The following EPB41L5 variants were observed in gnomAD, a reference collection of about 807,000 sequenced individuals.
EPB41L5 encodes the protein band 4.1-like protein 5.
A neutral mutation model predicts 106.6 loss-of-function variants in EPB41L5; 55 were observed. That is an observed-to-expected ratio of 0.52 (90% CI 0.42 to 0.65). EPB41L5 has a LOEUF of 0.65. Among genes scored for constraint, EPB41L5 ranks in the 30% least tolerant of loss-of-function variants. The pLI, the probability that EPB41L5 is intolerant of heterozygous loss-of-function variation, is 0.00. For synonymous variants in EPB41L5, 297 were observed against 306.7 expected, an observed-to-expected ratio of 0.97 and a Z score of 0.33; for missense variants, 871 against 882.1, an observed-to-expected ratio of 0.99 and a Z score of 0.16.
At chr2:120,161,222 C>T (rs929855078) in intron 21 of EPB41L5, among the ~76,000 whole-genome samples, 5 of 152,034 alleles carry the variant, frequency 3.3e-5, no homozygotes, top group African/African-American at 1.2e-4. Context: ...ACCAATAATA[C>T]AAAAAATAAG....
chr2:120,034,437 A>G (rs999162131), intron 2 of EPB41L5, among the ~76,000 whole-genome samples: 5 of 152,240 alleles, frequency 3.3e-5, no homozygotes, highest in Admixed American at 6.5e-5. Context: ...ATGGAAACAT[A>G]TAAGTTTGGT....
intron 21 of EPB41L5, 97 bp downstream of exon 21, chr2:120,161,071 C>A: frequency 1.2e-6 from 1 of 855,026 alleles, no homozygotes; most frequent in Non-Finnish European, 2.0e-6. Flanking sequence ...CTGAGTGACA[C>A]TGGGACTTAA....
At chr2:120,029,621 C>T (rs1678570871) in intron 2 of EPB41L5, among the ~76,000 whole-genome samples, 1 of 152,064 alleles carries the variant, frequency 6.6e-6, no homozygotes. Flanking sequence ...TTTTATTTTT[C>T]TTCTCTTTAG....
At chr2:120,113,522 T>A (rs748632056) in intron 16 of EPB41L5, among the ~76,000 whole-genome samples, 20 of 152,232 alleles carry the variant, frequency 1.3e-4, no homozygotes, top group Non-Finnish European at 2.4e-4. Context: ...ATTAATAATA[T>A]TATGTGTAAC....
chr2:120,056,221 G>A (rs936825166), intron 3 of EPB41L5, among the ~76,000 whole-genome samples: 2 of 151,000 alleles, frequency 1.3e-5, no homozygotes, highest in African/African-American at 4.9e-5. Flanking sequence ...CTGTTTATAT[G>A]GTATGTTATG....
intron 3 of EPB41L5, among the ~76,000 whole-genome samples, chr2:120,045,986 A>G (rs1289954726): frequency 2.0e-5 from 3 of 152,036 alleles, no homozygotes; most frequent in Non-Finnish European, 4.4e-5. Context: ...AAGGACATGA[A>G]CTCATCCTTT....
chr2:120,157,795 A>C (rs1196540812), intron 20 of EPB41L5, among the ~76,000 whole-genome samples: 1 of 151,868 alleles, frequency 6.6e-6, no homozygotes, highest in Non-Finnish European at 1.5e-5. Flanking sequence ...AAATCCAAAA[A>C]AACCACAAAA....
intron 18 of EPB41L5, among the ~76,000 whole-genome samples, chr2:120,132,031 A>G (rs973772320): frequency 6.6e-6 from 1 of 152,180 alleles, no homozygotes; most frequent in South Asian, 2.1e-4. Flanking sequence ...TTGAAATTAC[A>G]GAAGGATTTG....
chr2:120,148,874 T>G (rs1407230642), intron 20 of EPB41L5, among the ~76,000 whole-genome samples: 1 of 152,294 alleles, frequency 6.6e-6, no homozygotes, highest in South Asian at 2.1e-4. Context: ...AGTATATACC[T>G]AGGAGTAACA....
intron 20 of EPB41L5, chr2:120,160,678 T>C (rs1213231234): frequency 5.6e-6 from 3 of 534,754 alleles, no homozygotes; most frequent in African/African-American, 1.9e-5. Context: ...TGCCTATCTT[T>C]TTTATTAAAA....
chr2:120,134,754 G>A (rs1457451178), intron 18 of EPB41L5, among the ~76,000 whole-genome samples: 1 of 152,216 alleles, frequency 6.6e-6, no homozygotes, highest in Non-Finnish European at 1.5e-5. Flanking sequence ...TCCCCCTAAT[G>A]CAGATATGGC....
At position 120,041,323 on chromosome 2, in the gene EPB41L5, A is replaced by G; in HGVS notation, c.181-683A>G. 1.3e-5 allele frequency among the ~76,000 whole-genome samples: 2 copies of G among 152,156 alleles called. 1 individual carries two copies. Among genetic ancestry groups the G allele is most frequent in the Admixed American group, 1.3e-4 (2 of 15,268 alleles). ...TTTGTTTCAGGTATATAAGAAACCT[A>G]GGACCTCATGAATCTTTTGAAAGGG... is the stretch of plus-strand genomic sequence containing the variant. On this transcript the variant is annotated intron_variant, in intron 2 of 24. Coordinates refer to ENST00000263713, the MANE Select transcript of EPB41L5 (RefSeq NM_020909.4).
intron 16 of EPB41L5, 62 bp from the exon 17 acceptor site, chr2:120,127,626 T>C (rs1234397912): frequency 7.3e-7 from 1 of 1,366,894 alleles, no homozygotes; most frequent in Non-Finnish European, 1.0e-6. Flanking sequence ...AGAGGGTGAG[T>C]AGTGTTTTAA....
intron 3 of EPB41L5, among the ~76,000 whole-genome samples, chr2:120,042,643 A>G (rs189381662): frequency 4.6e-5 from 7 of 152,302 alleles, no homozygotes; most frequent in East Asian, 1.9e-4. Flanking sequence ...ACTGATTACT[A>G]TATTAGGATT....
chr2:120,178,759 G>A lies in EPB41L5; in HGVS notation c.*3852G>A, dbSNP rs1021459636. 6 of 152,122 alleles carry A rather than the reference G, an allele frequency of 3.9e-5. No homozygotes were observed. In the South Asian group the frequency reaches 6.2e-4, roughly 16 times the overall value. 9.4% of individuals were successfully genotyped at this position (152,122 alleles called of 1,614,324 possible). ...ATTCCTTCCCAGTTCTAAGAGATACGATCTGTAAGTCCCTATGTCACCACA... is the reference window on the plus strand; with the variant it reads ...ATTCCTTCCCAGTTCTAAGAGATACAATCTGTAAGTCCCTATGTCACCACA... On this transcript the variant is annotated 3_prime_UTR_variant, in exon 25 of 25. Coordinates refer to ENST00000263713, the MANE Select transcript of EPB41L5 (RefSeq NM_020909.4).
chr2:120,127,739 G>T lies in EPB41L5; in HGVS notation c.1389G>T (p.Thr463=), dbSNP rs116902213. ...ATAGCCCAGACTTATTGGAAGCAAC[G>T]ATTGGTGATGTAATTGGGGCATCTG... ...LLNSPDLLEA[T]IGDVIGASDT... The change falls in exon 17 of 25, where the codon ACG becomes ACT. Residue 463 remains threonine (T), a synonymous_variant. Coordinates refer to ENST00000263713, the MANE Select transcript of EPB41L5 (RefSeq NM_020909.4). 1.3e-5 allele frequency: 21 copies of T among 1,613,614 alleles called. No individual in the cohort carries two copies. In the East Asian group the frequency reaches 4.7e-4, roughly 36 times the overall value.
At chr2:120,153,951 C>G (rs1226525798) in intron 20 of EPB41L5, among the ~76,000 whole-genome samples, 3 of 152,180 alleles carry the variant, frequency 2.0e-5, no homozygotes, top group South Asian at 2.1e-4. Context: ...TTCTGCCACT[C>G]TCTACCATCG....
chr2:120,097,104 T>G (rs1022464405), intron 14 of EPB41L5, among the ~76,000 whole-genome samples: 1 of 152,234 alleles, frequency 6.6e-6, no homozygotes, highest in African/African-American at 2.4e-5. Flanking sequence ...TTATGATTAA[T>G]TTAACTTTAA....
In EPB41L5 at chr2:120,054,740, A is replaced by G. The variant is rs1412695158; in HGVS notation, c.285+12630A>G. 2.0e-5 allele frequency among the ~76,000 whole-genome samples: 3 copies of G among 152,182 alleles called. No homozygotes were observed. The East Asian group carries it at 5.8e-4, about 29-fold the overall frequency. ...GTGAATATCCAGTGATCCTAACACC[A>G]CTTGTTAAAATGACTTGAAGGGTCT... On this transcript the variant is annotated intron_variant, in intron 3 of 24. Transcript: ENST00000263713.
Sources: allele counts gnomAD v4.1 joint callset (sites outside exome capture counted in the v4.1 genomes callset), GRCh38; gene constraint gnomAD v4.1.1; transcripts MANE v1.5; gene names NCBI Gene and HGNC (gene_info 2026-07-23, HGNC 2026-07-21).